Variants in SMTNL2 observed in about 807,000 individuals in gnomAD.
SMTNL2 encodes smoothelin like 2, also known as smoothelin-like protein 2.
In SMTNL2, 43 loss-of-function variants were observed where a neutral mutation model predicts 44.1. That is an observed-to-expected ratio of 0.98 (90% CI 0.76 to 1.26). The LOEUF is 1.26. Among genes scored for constraint, SMTNL2 ranks in the 50% most tolerant of loss-of-function variants. The probability of loss-of-function intolerance (pLI) is 0.00; values close to 1 mark genes in which losing one functional copy is unlikely to be tolerated. For synonymous variants in SMTNL2, 317 were observed against 287.6 expected (o/e 1.10, Z -1.03); for missense variants, 646 against 670.2 (o/e 0.96, Z 0.40).
rs562641214 is a variant in SMTNL2, at chr17:4,600,438, A to G, written c.1259+3115A>G. On this transcript the variant is annotated intron_variant, in intron 7 of 7. Transcript: ENST00000389313. This position sits in a 1 kb window ranked among gnomAD's most constrained non-coding sequence, Gnocchi z 4.7. ...ACTTCTGGAAGGGAAAGGAGGACAC[A>G]GGTCCCCAAACCACGGGTTCACCTT... Among the ~76,000 whole-genome samples, 2 of 152,200 alleles carry G rather than the reference A, an allele frequency of 1.3e-5. No homozygotes were observed. Among genetic ancestry groups the G allele is most frequent in the Non-Finnish European group, 2.9e-5 (2 of 68,042 alleles).
Position 4,584,831 on chromosome 17 carries a change from C to T in SMTNL2, c.226C>T (p.Arg76Cys). 7.5e-7 allele frequency: 1 copy of T among 1,326,984 alleles called. No homozygotes were observed. Among genetic ancestry groups the T allele is most frequent in the African/African-American group, 1.5e-5 (1 of 64,840 alleles). 82.2% of individuals were successfully genotyped at this position (1,326,984 alleles called of 1,614,324 possible). Residue 76 changes from arginine to cysteine, a missense_variant, in exon 1 of 8, where the codon CGC (arginine) becomes TGC (cysteine). Coordinates refer to ENST00000389313, the MANE Select transcript of SMTNL2 (RefSeq NM_001114974.2). The part of the protein sequence containing the change: ...DNQRLQAQLE[R>C]LTRQVEALGL... ...CCAGCGGCTGCAGGCGCAGCTCGAG[C>T]GCCTGACGCGCCAGGTGGAGGCGCT...
At position 4,592,550 on chromosome 17, in the gene SMTNL2, G is replaced by T; in HGVS notation, c.487+102G>T. ...GGCTGGCCCTTGGCCTGGCATCGGG[G>T]GGACTCTATCCTGAACCCCAGCAGG... On this transcript the variant is annotated intron_variant, in intron 2 of 7. Coordinates refer to ENST00000389313, the MANE Select transcript of SMTNL2 (RefSeq NM_001114974.2). The surrounding 1 kb of genome is among the most constrained non-coding windows in gnomAD (Gnocchi z 4.5). 1 of 1,116,126 alleles carries T rather than the reference G, an allele frequency of 9.0e-7. No individual in the cohort carries two copies. The highest frequency in any genetic ancestry group is 1.3e-6 in the Non-Finnish European group (1 of 782,388). The allele number at this position is 1,116,126 out of a possible 1,614,324, so 69.1% of individuals were successfully genotyped here.
At position 4,608,145 on chromosome 17, in the gene SMTNL2, G is replaced by C. The variant is rs921665336; in HGVS notation, c.*658G>C. ...TTCCCAGGAGGCCCCACAAGTGTTT[G>C]GCTAAGCACAGGCTCTCGGGAATTT... is the stretch of plus-strand genomic sequence containing the variant. On this transcript the variant is annotated 3_prime_UTR_variant, in exon 8 of 8. Transcript: ENST00000389313. 2 of 152,172 alleles carry C rather than the reference G, an allele frequency of 1.3e-5. No individual in the cohort carries two copies. The highest frequency in any genetic ancestry group is 3.9e-4 in the East Asian group (2 of 5,194). The allele number at this position is 152,172 out of a possible 1,614,324, so 9.4% of individuals were successfully genotyped here.
At position 4,600,957 on chromosome 17, in the gene SMTNL2, TA is replaced by T. The variant is rs1434087223; in HGVS notation, c.1259+3641del. Among the ~76,000 whole-genome samples the T allele has an allele frequency of 6.6e-5, 10 of 152,192 alleles. No individual in the cohort carries two copies. The highest frequency in any genetic ancestry group is 4.6e-4 in the Admixed American group (7 of 15,296). ...TCCTGGTCTGCATTTAGAGCAGGCT[TA>T]AAAAAATAAAAATAACCCCCAAGCC... On this transcript the variant is annotated intron_variant, in intron 7 of 7. Transcript: ENST00000389313. The surrounding 1 kb of genome is among the most constrained non-coding windows in gnomAD (Gnocchi z 4.7).
rs555781810 is a variant in SMTNL2 at position 4,592,460 on chromosome 17, G to T, written c.487+12G>T. ...CCAGCCGGGGGCAGGTAGGGCTGAC[G>T]GCAGAGGAGGGGTGGCTGGGTAGGT... On this transcript the variant is annotated intron_variant, in intron 2 of 7. Coordinates refer to ENST00000389313, the MANE Select transcript of SMTNL2 (RefSeq NM_001114974.2). This position sits in a 1 kb window ranked among gnomAD's most constrained non-coding sequence, Gnocchi z 4.5. The T allele has an allele frequency of 3.6e-5, 58 of 1,609,522 alleles. No homozygotes were observed. In the South Asian group the frequency reaches 6.1e-4, roughly 17 times the overall value.
chr17:4,596,751 G>A, intron 5 of SMTNL2, 109 bp from the exon 6 acceptor site: 1 of 989,228 alleles, frequency 1.0e-6, no homozygotes, highest in South Asian at 1.9e-5. Context: ...AGCAGAGCAG[G>A]TGGGAGCACC....
At chr17:4,585,490 G>C (rs1567630542) in intron 1 of SMTNL2, among the ~76,000 whole-genome samples, 1 of 152,252 alleles carries the variant, frequency 6.6e-6, no homozygotes, top group Non-Finnish European at 1.5e-5. Flanking sequence ...TGGGTGGGGA[G>C]GGGGGTCGAG....
chr17:4,603,682 G>A (rs974587838), intron 7 of SMTNL2, among the ~76,000 whole-genome samples: 2 of 152,122 alleles, frequency 1.3e-5, no homozygotes, highest in African/African-American at 2.4e-5. Context: ...CAGAGCATGT[G>A]TGGAGCCTGT....
Position 4,596,899 on chromosome 17 carries a change from G to A in SMTNL2, c.1029G>A (p.Gln343=). 1 of 1,517,922 alleles carries A rather than the reference G, an allele frequency of 6.6e-7. No individual in the cohort carries two copies. The highest frequency in any genetic ancestry group is 8.9e-7 in the Non-Finnish European group (1 of 1,127,530). The allele number at this position is 1,517,922 out of a possible 1,614,324, so 94.0% of individuals were successfully genotyped here. Residue 343 remains glutamine, a synonymous_variant, in exon 6 of 8, where the codon CAG becomes CAA. Transcript: ENST00000389313. ...GEARARLKRS[Q]SFGVASASSI... ...CCCGGGCCAGGCTGAAGCGGTCGCAGAGCTTCGGCGTGGCCAGCGCCAGCA... is the reference window on the plus strand; with the variant it reads ...CCCGGGCCAGGCTGAAGCGGTCGCAAAGCTTCGGCGTGGCCAGCGCCAGCA...
intron 7 of SMTNL2, 63 bp downstream of exon 7, chr17:4,597,386 C>G: frequency 6.9e-6 from 11 of 1,586,618 alleles, no homozygotes; most frequent in Non-Finnish European, 9.4e-6. Context: ...AACTTCTTCC[C>G]CAGGTGGGGC....
chr17:4,585,057 G>C (rs1909293093), intron 1 of SMTNL2, 53 bp downstream of exon 1: 19 of 1,287,392 alleles, frequency 1.5e-5, no homozygotes, highest in Non-Finnish European at 1.8e-5. Context: ...CTCCGAACCG[G>C]GTGCCGCCCC....
chr17:4,595,688 G>A lies in SMTNL2; in HGVS notation c.989+361G>A, dbSNP rs377032426. Among the ~76,000 whole-genome samples, 57 of 152,346 alleles carry A rather than the reference G, an allele frequency of 3.7e-4. No homozygotes were observed. Among genetic ancestry groups the A allele is most frequent in the Non-Finnish European group, 6.8e-4 (46 of 68,030 alleles). ...GCTCCTCTGGTTTCTGGGCATGACC[G>A]GGGACTGGATGGGGACTGGGATTCC... On this transcript the variant is annotated intron_variant, in intron 5 of 7. Transcript: ENST00000389313. This position sits in a 1 kb window ranked among gnomAD's most constrained non-coding sequence, Gnocchi z 5.1.
chr17:4,584,993 G>T lies in SMTNL2; in HGVS notation c.388G>T (p.Gly130Cys). Reference protein sequence around the residue: ...FASHATFSLSGRGQSLDHDEA... With the variant: ...FASHATFSLSCRGQSLDHDEA... ...CAGCCACGCCACCTTCTCGCTGTCCGGCCGCGGCCAGGTGAGCCCGGGGGA... is the reference window on the plus strand; with the variant it reads ...CAGCCACGCCACCTTCTCGCTGTCCTGCCGCGGCCAGGTGAGCCCGGGGGA... The change falls in exon 1 of 8, where the codon GGC becomes TGC. Residue 130 changes from glycine (G) to cysteine (C), a missense_variant. Physicochemically the swap from Gly to Cys is radical, Grantham distance 159. Coordinates refer to ENST00000389313, the MANE Select transcript of SMTNL2 (RefSeq NM_001114974.2). 1 of 1,363,366 alleles carries T rather than the reference G, an allele frequency of 7.3e-7. No homozygotes were observed. The highest frequency in any genetic ancestry group is 1.7e-5 in the South Asian group (1 of 59,332). 84.5% of individuals were successfully genotyped at this position (1,363,366 alleles called of 1,614,324 possible).
upstream of SMTNL2, chr17:4,584,492 C>T (rs574724893): frequency 8.4e-5 from 98 of 1,160,970 alleles, no homozygotes; most frequent in East Asian, 1.6e-3. Context: ...GCCCGCCTCC[C>T]CGGCAGCCCC....
At position 4,607,261 on chromosome 17, in the gene SMTNL2, G is replaced by T. The variant is rs1319434277; in HGVS notation, c.1260-100G>T. On this transcript the variant is annotated intron_variant, in intron 7 of 7. Transcript: ENST00000389313. This position sits in a 1 kb window ranked among gnomAD's most constrained non-coding sequence, Gnocchi z 4.7. Reference sequence around the variant, plus strand: ...GGGTCCTTGGGAACCTCTGGCTGCCGGCTGAGCTCTGTTCCCGGGACCGAG... The same window carrying T: ...GGGTCCTTGGGAACCTCTGGCTGCCTGCTGAGCTCTGTTCCCGGGACCGAG... 6.4e-7 allele frequency: 1 copy of T among 1,563,414 alleles called. No homozygotes were observed. The highest frequency in any genetic ancestry group is 8.7e-7 in the Non-Finnish European group (1 of 1,152,242).
intron 3 of SMTNL2, among the ~76,000 whole-genome samples, chr17:4,593,593 G>C (rs753395279): frequency 6.6e-6 from 1 of 152,232 alleles, no homozygotes; most frequent in Admixed American, 6.5e-5. Context: ...GTGCTCTCAA[G>C]AGCAGGGCGG....
At chr17:4,584,346 G>C (rs1360005992), upstream of SMTNL2, among the ~76,000 whole-genome samples, 1 of 152,200 alleles carries the variant, frequency 6.6e-6, no homozygotes, top group Non-Finnish European at 1.5e-5. Context: ...CCGCTCCTCC[G>C]GGGTCGCAGG....
Position 4,607,739 on chromosome 17 carries a change from G to T in SMTNL2, c.*252G>T. 2.6e-6 allele frequency: 1 copy of T among 384,862 alleles called. No individual in the cohort carries two copies. Among genetic ancestry groups the T allele is most frequent in the Non-Finnish European group, 4.7e-6 (1 of 214,812 alleles). The allele number at this position is 384,862 out of a possible 1,614,324, so 23.8% of individuals were successfully genotyped here. On this transcript the variant is annotated 3_prime_UTR_variant, in exon 8 of 8. Coordinates refer to ENST00000389313, the MANE Select transcript of SMTNL2 (RefSeq NM_001114974.2). The surrounding 1 kb of genome is among the most constrained non-coding windows in gnomAD (Gnocchi z 4.7). ...AAGGAAAAATTATGAGAGAGAGAGA[G>T]ACATTGGTGCTAAGTAATGATCTTC...
intron 1 of SMTNL2, among the ~76,000 whole-genome samples, chr17:4,591,950 A>G (rs1293224983): frequency 1.3e-5 from 2 of 152,224 alleles, no homozygotes; most frequent in East Asian, 1.9e-4. Context: ...ACCTGGTGCC[A>G]CTGGTTCCTG....
Sources: allele counts gnomAD v4.1 joint callset (sites outside exome capture counted in the v4.1 genomes callset), GRCh38; gene constraint gnomAD v4.1.1; non-coding constraint Gnocchi (gnomAD v3.1); transcripts MANE v1.5; gene names NCBI Gene and HGNC (gene_info 2026-07-23, HGNC 2026-07-21).